The following NEK10 variants were observed in gnomAD, a reference collection of about 807,000 sequenced individuals.
The protein encoded by NEK10 is NIMA related kinase 10.
In NEK10, 122 loss-of-function variants were observed where a neutral mutation model predicts 159.8. The ratio of observed to expected loss-of-function variants is 0.76; its 90% CI spans 0.66 to 0.89. The LOEUF is 0.89. Among genes scored for constraint, NEK10 ranks in the 40% least tolerant of loss-of-function variants. The pLI is 0.00. For synonymous variants in NEK10, 466 were observed against 457.1 expected (o/e 1.02, Z -0.25); for missense variants, 1,342 against 1,323.1 (o/e 1.01, Z -0.22).
chr3:27,287,694 T>C lies in NEK10; in HGVS notation c.1789+4A>G. The C allele has an allele frequency of 1.3e-6, 2 of 1,565,476 alleles. No individual in the cohort carries two copies. The highest frequency in any genetic ancestry group is 1.7e-6 in the Non-Finnish European group (2 of 1,162,240). On this transcript the variant is annotated splice_donor_region_variant and intron_variant, in intron 20 of 35. Transcript: ENST00000691995. ...TTAGAAATATCATGAAAACTCATAC[T>C]TACTTTCCAGAAATGTTTTGTAATA...
intron 23 of NEK10, among the ~76,000 whole-genome samples, chr3:27,247,577 C>A (rs1312064946): frequency 2.0e-5 from 3 of 151,596 alleles, no homozygotes; most frequent in Non-Finnish European, 4.4e-5. Context: ...TCTCTGTCAC[C>A]CAAACTGCAG....
intron 31 of NEK10, among the ~76,000 whole-genome samples, chr3:27,135,559 G>A (rs181995637): frequency 1.3e-5 from 2 of 152,296 alleles, no homozygotes; most frequent in Admixed American, 1.3e-4. Flanking sequence ...TTCTTTTAAA[G>A]AACTTGCTAT....
intron 28 of NEK10, among the ~76,000 whole-genome samples, chr3:27,173,686 G>T (rs536572567): frequency 6.6e-6 from 1 of 152,192 alleles, no homozygotes; most frequent in East Asian, 1.9e-4. Context: ...TGAGGAGAGA[G>T]AATTATTTTC....
intron 29 of NEK10, among the ~76,000 whole-genome samples, chr3:27,166,983 G>A (rs1946544639): frequency 6.6e-6 from 1 of 151,958 alleles, no homozygotes; most frequent in South Asian, 2.1e-4. Flanking sequence ...TTTAGACTTA[G>A]GAGCACACTG....
intron 22 of NEK10, among the ~76,000 whole-genome samples, chr3:27,263,873 T>A (rs1207044609): frequency 6.6e-6 from 1 of 152,164 alleles, no homozygotes; most frequent in South Asian, 2.1e-4. Flanking sequence ...AGTACCTCAG[T>A]TGGAAATGCA....
intron 22 of NEK10, chr3:27,278,706 A>G: frequency 2.0e-6 from 2 of 984,402 alleles, no homozygotes; most frequent in Non-Finnish European, 2.4e-6. Flanking sequence ...ATTTGAAAGC[A>G]GAGGAGGCAA....
chr3:27,161,176 C>A (rs1040462509), intron 30 of NEK10, among the ~76,000 whole-genome samples: 1 of 152,188 alleles, frequency 6.6e-6, no homozygotes, highest in African/African-American at 2.4e-5. Flanking sequence ...CAATTGCTTA[C>A]ATATATATGT....
At chr3:27,230,036 T>C (rs1338195351) in intron 23 of NEK10, among the ~76,000 whole-genome samples, 6 of 151,976 alleles carry the variant, frequency 3.9e-5, no homozygotes, top group African/African-American at 1.2e-4. Context: ...GGAAATTAAT[T>C]ACAAAAAGAT....
chr3:27,124,516 T>C (rs1219117855), intron 32 of NEK10, among the ~76,000 whole-genome samples: 2 of 152,034 alleles, frequency 1.3e-5, no homozygotes, highest in African/African-American at 4.8e-5. Flanking sequence ...AACAAGGAAA[T>C]GGAGAAGGAA....
intron 30 of NEK10, among the ~76,000 whole-genome samples, chr3:27,160,069 C>G (rs1274663531): frequency 6.6e-6 from 1 of 151,724 alleles, no homozygotes; most frequent in African/African-American, 2.4e-5. Context: ...GAAAGCGAGA[C>G]CAAATGTTAA....
chr3:27,144,423 T>C (rs1017595210), intron 30 of NEK10, among the ~76,000 whole-genome samples: 1 of 152,190 alleles, frequency 6.6e-6, no homozygotes, highest in African/African-American at 2.4e-5. Flanking sequence ...ACAAGAGTTA[T>C]TTTAGGGTAG....
chr3:27,155,359 G>C (rs6551175), intron 30 of NEK10, among the ~76,000 whole-genome samples: 14,761 of 151,744 alleles, frequency 0.097, 2,374 homozygotes, highest in African/African-American at 0.34. Context: ...AAAATCAGCT[G>C]GGTGTGGTAG....
At position 27,202,982 on chromosome 3, in the gene NEK10, A is replaced by G. The variant is rs532320632; in HGVS notation, c.2091-425T>C. On this transcript the variant is annotated intron_variant, in intron 23 of 35. Transcript: ENST00000691995. Reference sequence around the variant, plus strand: ...CTGTGTTTTCTTCCTTTGACCACCAATGGAATGTGGAAGTGACAATAACCT... The same window carrying G: ...CTGTGTTTTCTTCCTTTGACCACCAGTGGAATGTGGAAGTGACAATAACCT... Among the ~76,000 whole-genome samples the G allele has an allele frequency of 4.5e-4, 68 of 152,270 alleles. 2 individuals carry two copies. The South Asian group carries it at 0.013, about 30-fold the overall frequency.
intron 32 of NEK10, among the ~76,000 whole-genome samples, chr3:27,120,620 G>A (rs372798450): frequency 2.0e-5 from 3 of 151,898 alleles, no homozygotes; most frequent in Admixed American, 6.6e-5. Context: ...ATAAGCCACC[G>A]CGCCTGGCCA....
chr3:27,200,207 G>A (rs1949930764), intron 25 of NEK10, among the ~76,000 whole-genome samples: 3 of 152,160 alleles, frequency 2.0e-5, no homozygotes, highest in African/African-American at 7.2e-5. Context: ...CAGGTGAGGA[G>A]TAATATTAGC....
intron 1 of NEK10, among the ~76,000 whole-genome samples, chr3:27,359,258 A>G (rs981487976): frequency 1.3e-5 from 2 of 152,126 alleles, no homozygotes; most frequent in African/African-American, 4.8e-5. Flanking sequence ...CAGTGAAAAT[A>G]CATCAGATTA....
intron 15 of NEK10, among the ~76,000 whole-genome samples, chr3:27,294,472 T>G (rs1306750578): frequency 1.3e-5 from 2 of 152,198 alleles, no homozygotes; most frequent in Admixed American, 6.5e-5. Context: ...GCATGCATAT[T>G]CCTCAAAAGC....
At chr3:27,251,215 C>T (rs943675575) in intron 23 of NEK10, among the ~76,000 whole-genome samples, 3 of 152,162 alleles carry the variant, frequency 2.0e-5, no homozygotes, top group Non-Finnish European at 2.9e-5. Flanking sequence ...AAACCCAGGC[C>T]ATCTGATTCT....
intron 4 of NEK10, among the ~76,000 whole-genome samples, chr3:27,344,771 C>T (rs1256371534): frequency 6.6e-6 from 1 of 152,200 alleles, no homozygotes; most frequent in Admixed American, 6.5e-5. Context: ...TCCCTCTCCA[C>T]TTTTCCACAT....
Sources: gnomAD v4.1 joint callset for allele counts (sites outside exome capture counted in the v4.1 genomes callset) on GRCh38, gnomAD v4.1.1 for gene constraint, MANE v1.5 for transcripts, NCBI Gene and HGNC (gene_info 2026-07-23, HGNC 2026-07-21) for gene names.